ZBBX: variants seen among roughly 807,000 people sequenced by gnomAD.
ZBBX encodes zinc finger B-box domain-containing protein 1.
ZBBX carries 101 observed loss-of-function variants against 108.5 expected under a neutral mutation model. The ratio of observed to expected loss-of-function variants is 0.93; its 90% CI spans 0.79 to 1.10. The LOEUF is 1.10. Among genes scored for constraint, ZBBX ranks in the 50% least tolerant of loss-of-function variants. The pLI is 0.00. For missense variants in ZBBX, 1,009 were observed against 941.4 expected (o/e 1.07, Z -0.94); for synonymous variants, 356 against 323.4 (o/e 1.10, Z -1.08).
chr3:167,196,407 C>T, the ZBBX span, among the ~76,000 whole-genome samples: 1 of 152,150 alleles, frequency 6.6e-6, no homozygotes, highest in Non-Finnish European at 1.5e-5. Context: ...GTAAAACATA[C>T]CAATCATTTT....
intron 16 of ZBBX, among the ~76,000 whole-genome samples, chr3:167,308,735 G>T (rs944184162): frequency 2.0e-5 from 3 of 152,094 alleles, no homozygotes; most frequent in Non-Finnish European, 4.4e-5. Flanking sequence ...ATTTATAAGA[G>T]GAAGCTAAAT....
chr3:167,211,852 A>G, the ZBBX span, among the ~76,000 whole-genome samples: 1 of 151,450 alleles, frequency 6.6e-6, no homozygotes, highest in Admixed American at 6.6e-5. Flanking sequence ...GCTCTCCCAG[A>G]GGGAGGAGTG....
At chr3:167,355,406 G>A (rs552356685) in intron 8 of ZBBX, among the ~76,000 whole-genome samples, 1 of 152,010 alleles carries the variant, frequency 6.6e-6, no homozygotes, top group East Asian at 1.9e-4. Flanking sequence ...GAGATAAAGA[G>A]GGATTAAGTC....
chr3:167,279,683 T>G (rs931959169), intron 20 of ZBBX, among the ~76,000 whole-genome samples: 2 of 151,970 alleles, frequency 1.3e-5, no homozygotes, highest in Admixed American at 6.6e-5. Flanking sequence ...CAAGGTAATT[T>G]ATAGATTCAA....
At chr3:167,312,949 A>T (rs1734837922) in intron 16 of ZBBX, among the ~76,000 whole-genome samples, 1 of 152,176 alleles carries the variant, frequency 6.6e-6, no homozygotes. Context: ...ATCTTCACAT[A>T]CGATATATTT....
At chr3:167,310,499 C>T (rs1433309902) in intron 16 of ZBBX, among the ~76,000 whole-genome samples, 1 of 152,162 alleles carries the variant, frequency 6.6e-6, no homozygotes, top group Non-Finnish European at 1.5e-5. Flanking sequence ...GCTTAATTGA[C>T]TCACAGTTCC....
intron 4 of ZBBX, among the ~76,000 whole-genome samples, chr3:167,370,329 T>C (rs1456708609): frequency 7.3e-5 from 11 of 150,244 alleles, no homozygotes; most frequent in Non-Finnish European, 1.5e-4. Flanking sequence ...AAGGAAGAAA[T>C]CTAAAATAAT....
the ZBBX span, among the ~76,000 whole-genome samples, chr3:167,212,196 T>C: frequency 3.9e-5 from 6 of 152,122 alleles, no homozygotes; most frequent in Non-Finnish European, 5.9e-5. Context: ...GAAAATCCGA[T>C]GTGACTAAGG....
At position 167,252,363 on chromosome 3, in the gene ZBBX, C is replaced by G. The variant is rs368685354; in HGVS notation, c.2255-9720G>C. On this transcript the variant is annotated intron_variant, in intron 20 of 21. Transcript: ENST00000675490. ...CTCATGAAGTTTTTCCAGACTGCACCCTGAGTAGTGAAAGGTGAATGGAAT... is the reference window on the plus strand; with the variant it reads ...CTCATGAAGTTTTTCCAGACTGCACGCTGAGTAGTGAAAGGTGAATGGAAT... Among the ~76,000 whole-genome samples, 31 of 152,130 alleles carry G rather than the reference C, an allele frequency of 2.0e-4. 1 individual carries two copies. The South Asian group carries it at 6.4e-3, about 32-fold the overall frequency.
chr3:167,188,569 A>G, the ZBBX span, among the ~76,000 whole-genome samples: 1 of 152,236 alleles, frequency 6.6e-6, no homozygotes, highest in African/African-American at 2.4e-5. Flanking sequence ...TAAAATATTT[A>G]TCACCATGTT....
intron 20 of ZBBX, among the ~76,000 whole-genome samples, chr3:167,263,101 A>C (rs2108431314): frequency 7.3e-6 from 1 of 137,448 alleles, no homozygotes; most frequent in Admixed American, 7.9e-5. Flanking sequence ...GCAGTGATGT[A>C]ATCTCAGCTC....
intron 20 of ZBBX, among the ~76,000 whole-genome samples, chr3:167,251,414 G>A (rs1331605909): frequency 6.6e-6 from 1 of 152,158 alleles, no homozygotes; most frequent in East Asian, 1.9e-4. Context: ...CTTAGCATCT[G>A]TAAACATTCA....
Position 167,336,078 on chromosome 3 carries a change from A to AT in ZBBX, c.529-2094dup, listed in dbSNP as rs35648140. Among the ~76,000 whole-genome samples the AT allele has an allele frequency of 1.4e-3, 212 of 151,872 alleles. 1 individual carries two copies. The highest frequency in any genetic ancestry group is 6.8e-3 in the Middle Eastern group (2 of 294). ...TAGTTCCATGTTTGGTTTTCATTTT[A>AT]TTTTTTTTAAAATATCAAAAGCTAT... On this transcript the variant is annotated intron_variant, in intron 9 of 21. Coordinates refer to ENST00000675490, the MANE Select transcript of ZBBX (RefSeq NM_001199201.2).
At chr3:167,209,791 C>T in the ZBBX span, among the ~76,000 whole-genome samples, 1 of 152,066 alleles carries the variant, frequency 6.6e-6, no homozygotes, top group Non-Finnish European at 1.5e-5. Context: ...CTTCCAGACA[C>T]AGAATTCAAA....
chr3:167,242,208 T>C (rs1433853353), intron 21 of ZBBX, among the ~76,000 whole-genome samples: 1 of 152,176 alleles, frequency 6.6e-6, no homozygotes, highest in Non-Finnish European at 1.5e-5. Context: ...ATAAGGCCAT[T>C]GATTTTCAAT....
At chr3:167,329,272 T>C (rs1191485475) in intron 10 of ZBBX, among the ~76,000 whole-genome samples, 4 of 152,192 alleles carry the variant, frequency 2.6e-5, no homozygotes, top group Non-Finnish European at 5.9e-5. Flanking sequence ...TTATCAAATG[T>C]GGATTACCTA....
intron 20 of ZBBX, among the ~76,000 whole-genome samples, chr3:167,248,810 G>A (rs1722052557): frequency 1.3e-5 from 2 of 152,196 alleles, no homozygotes; most frequent in African/African-American, 4.8e-5. Context: ...CTGAAAGCAG[G>A]GAGAAATGGG....
chr3:167,310,517 TG>T (rs1195637592), intron 16 of ZBBX, among the ~76,000 whole-genome samples: 1 of 152,180 alleles, frequency 6.6e-6, no homozygotes, highest in African/African-American at 2.4e-5. Context: ...TCCACATGGC[TG>T]GGAGGTCTCA....
At chr3:167,285,619 C>T (rs1187989020) in intron 19 of ZBBX, among the ~76,000 whole-genome samples, 4 of 152,166 alleles carry the variant, frequency 2.6e-5, no homozygotes, top group East Asian at 3.9e-4. Flanking sequence ...CTGTGAAATA[C>T]AAAATTCAGG....
Sources: allele counts gnomAD v4.1 joint callset (sites outside exome capture counted in the v4.1 genomes callset), GRCh38; gene constraint gnomAD v4.1.1; transcripts MANE v1.5; gene names NCBI Gene and HGNC (gene_info 2026-07-23, HGNC 2026-07-21).